Variants in CWF19L1 observed in about 807,000 individuals in gnomAD.
The protein encoded by CWF19L1 is CWF19 like cell cycle control factor 1, also known as CWF19-like protein 1.
CWF19L1 carries 60 observed loss-of-function variants against 69.7 expected under a neutral mutation model. The observed-to-expected ratio is 0.86, with a 90% CI of 0.70 to 1.07. The LOEUF (loss-of-function observed/expected upper bound fraction) is 1.07. Ranked by LOEUF, CWF19L1 falls within the 50% of genes least tolerant of loss-of-function variation. CWF19L1 has a pLI of 0.00. For missense variants in CWF19L1, 591 were observed against 638.9 expected, an observed-to-expected ratio of 0.92 and a Z score of 0.81; for synonymous variants, 209 against 222.2, an observed-to-expected ratio of 0.94 and a Z score of 0.53.
chr10:100,236,133 C>CTTGCGATG (rs1564848529), intron 12 of CWF19L1, among the ~76,000 whole-genome samples: 1 of 135,582 alleles, frequency 7.4e-6, no homozygotes, highest in Non-Finnish European at 1.5e-5. Flanking sequence ...GAGACAGGGT[C>CTTGCGATG]TTGCGATGTT....
chr10:100,245,866 TC>T lies in CWF19L1; in HGVS notation c.896del (p.Gly299GlufsTer84). 1 of 1,614,198 alleles carries T rather than the reference TC, an allele frequency of 6.2e-7. No homozygotes were observed. Among genetic ancestry groups the T allele is most frequent in the Non-Finnish European group, 8.5e-7 (1 of 1,180,022 alleles). On this transcript the variant is annotated frameshift_variant, in exon 9 of 14. Transcript: ENST00000354105. LOFTEE classifies it high-confidence loss of function. ...QFFFDLNEKQ[G>X]RKRSSTGRDS... ...CTCTACCTGTGGATGAACGCTTCCT[TC>T]CCTGCTTTTCATTTAAATCAAAGAA...
intron 7 of CWF19L1, 68 bp downstream of exon 7, chr10:100,250,180 T>C: frequency 9.3e-7 from 1 of 1,076,050 alleles, no homozygotes; most frequent in Non-Finnish European, 1.4e-6. Context: ...AATGCTAAAC[T>C]GGACAAGAGA....
intron 1 of CWF19L1, among the ~76,000 whole-genome samples, chr10:100,266,839 G>GTTTGT (rs68024399): frequency 9.2e-4 from 137 of 148,298 alleles, no homozygotes; most frequent in East Asian, 8.6e-3. Flanking sequence ...ATTGTTTTTT[G>GTTTGT]TTTGTTTTGT....
intron 5 of CWF19L1, among the ~76,000 whole-genome samples, chr10:100,255,724 C>T (rs1050645822): frequency 6.7e-6 from 1 of 148,638 alleles, no homozygotes; most frequent in African/African-American, 2.5e-5. Flanking sequence ...GATGGCGCCA[C>T]TGCCCTCCAG....
intron 5 of CWF19L1, 123 bp downstream of exon 5, chr10:100,256,136 CAGA>C: frequency 1.4e-6 from 1 of 692,982 alleles, no homozygotes. Context: ...AAAATTTTCA[CAGA>C]AGACTTCTAA....
At chr10:100,260,817 C>T (rs963078805) in intron 3 of CWF19L1, 149 bp downstream of exon 3, 10 of 590,000 alleles carry the variant, frequency 1.7e-5, no homozygotes, top group South Asian at 7.1e-5. Context: ...GCCACTGCGC[C>T]GGATAGTCTT....
chr10:100,267,423 CAA>C, intron 1 of CWF19L1, 146 bp downstream of exon 1: 3 of 1,541,974 alleles, frequency 1.9e-6, no homozygotes, highest in Non-Finnish European at 2.6e-6. Context: ...CCCGGCCAGG[CAA>C]AGACATCACC....
chr10:100,260,368 A>G (rs1383311976), intron 3 of CWF19L1, 49 bp from the exon 4 acceptor site: 2 of 1,029,896 alleles, frequency 1.9e-6, no homozygotes, highest in Admixed American at 2.0e-5. Context: ...GATCTGCTTT[A>G]GAACTTAAGA....
rs1028530314 is a variant in CWF19L1, at chr10:100,248,879, A to G, written c.708+1369T>C. ...GCAGAAAAGGCTGAGCAGCAGAAAA[A>G]GGCAGCCATCATCTCTGCTGAGGGC... On this transcript the variant is annotated intron_variant, in intron 7 of 13. Coordinates refer to ENST00000354105, the MANE Select transcript of CWF19L1 (RefSeq NM_018294.6). 4.3e-5 allele frequency: 44 copies of G among 1,025,358 alleles called. 1 individual carries two copies. The Middle Eastern group carries it at 1.3e-3, about 30-fold the overall frequency. The allele number at this position is 1,025,358 out of a possible 1,614,324, so 63.5% of individuals were successfully genotyped here.
At chr10:100,251,709 C>T (rs1481808139) in intron 6 of CWF19L1, among the ~76,000 whole-genome samples, 1 of 152,070 alleles carries the variant, frequency 6.6e-6, no homozygotes, top group Non-Finnish European at 1.5e-5. Flanking sequence ...GACAGGGTTT[C>T]ACCGTGTTGG....
intron 1 of CWF19L1, among the ~76,000 whole-genome samples, chr10:100,265,815 C>A (rs1847561022): frequency 1.3e-5 from 2 of 152,152 alleles, no homozygotes; most frequent in African/African-American, 4.8e-5. Context: ...GCCACCACAC[C>A]CGGCCAGGTG....
At chr10:100,246,719 T>C in intron 8 of CWF19L1, 76 bp downstream of exon 8, 17 of 1,366,598 alleles carry the variant, frequency 1.2e-5, no homozygotes, top group Non-Finnish European at 1.6e-5. Flanking sequence ...TTCTAACGAT[T>C]AAACTTGTCT....
At chr10:100,236,503 T>C (rs1846440965) in intron 12 of CWF19L1, among the ~76,000 whole-genome samples, 1 of 152,262 alleles carries the variant, frequency 6.6e-6, no homozygotes, top group Non-Finnish European at 1.5e-5. Flanking sequence ...TTGCCAGGCG[T>C]GGGTGGCTCA....
intron 6 of CWF19L1, 140 bp downstream of exon 6, chr10:100,253,281 A>C (rs541464688): frequency 3.4e-6 from 2 of 585,586 alleles, no homozygotes; most frequent in East Asian, 5.7e-5. Flanking sequence ...AAGATGAATG[A>C]CTTGAGAGTC....
rs2134272638 is a variant in CWF19L1 at position 100,235,758 on chromosome 10, G to A, written c.1381C>T (p.Gln461Ter). 1 of 1,608,276 alleles carries A rather than the reference G, an allele frequency of 6.2e-7. No individual in the cohort carries two copies. Reference sequence around the variant, plus strand: ...ACATAAAAATATGCTGCTCCTGGCTGTGCAATCTAAAGTAAACAGAGTTGT... The same window carrying A: ...ACATAAAAATATGCTGCTCCTGGCTATGCAATCTAAAGTAAACAGAGTTGT... ...PEHSDIKQIA[Q>*]PGAAYFYVEL... The change falls in exon 13 of 14, where the codon CAG (glutamine) becomes TAG (stop). Residue 461 changes from glutamine to a stop codon, truncating the protein, a stop_gained. Transcript: ENST00000354105. LOFTEE classifies it high-confidence loss of function.
intron 7 of CWF19L1, among the ~76,000 whole-genome samples, chr10:100,247,486 G>A (rs146409274): frequency 3.9e-4 from 60 of 152,320 alleles, no homozygotes; most frequent in African/African-American, 1.3e-3. Flanking sequence ...TAATGCCACA[G>A]ATATCGAAAA....
intron 8 of CWF19L1, 84 bp from the exon 9 acceptor site, chr10:100,245,997 T>C (rs1589618281): frequency 7.9e-5 from 75 of 953,460 alleles, no homozygotes; most frequent in East Asian, 3.2e-4. Context: ...AAGGGAACAT[T>C]CCTGCCATGC....
chr10:100,266,537 C>T (rs922154350), intron 1 of CWF19L1, among the ~76,000 whole-genome samples: 13 of 149,222 alleles, frequency 8.7e-5, no homozygotes, highest in Middle Eastern at 3.6e-3. Flanking sequence ...TTTTTTTAGA[C>T]GGAGTCTCAC....
chr10:100,246,777 C>A lies in CWF19L1; in HGVS notation c.849+18G>T. The A allele has an allele frequency of 1.3e-6, 2 of 1,599,046 alleles. No homozygotes were observed. The highest frequency in any genetic ancestry group is 1.7e-6 in the Non-Finnish European group (2 of 1,170,238). ...AAAAGAACACATATAAAAATGCCAA[C>A]CCTCAATCAGAACATACCACAGGGG... On this transcript the variant is annotated intron_variant, in intron 8 of 13. Transcript: ENST00000354105.
Sources: allele counts gnomAD v4.1 joint callset (sites outside exome capture counted in the v4.1 genomes callset), GRCh38; gene constraint gnomAD v4.1.1; transcripts MANE v1.5; gene names NCBI Gene and HGNC (gene_info 2026-07-23, HGNC 2026-07-21).